NBEA: variants seen among roughly 807,000 people sequenced by gnomAD.
The protein encoded by NBEA is neurobeachin.
Under a neutral mutation model 343.4 loss-of-function variants are expected in NBEA, and 44 were observed. That is an observed-to-expected ratio of 0.13 (90% CI 0.10 to 0.16). NBEA has a LOEUF of 0.16. Ranked by LOEUF, NBEA falls within the 10% of genes least tolerant of loss-of-function variation. The pLI is 1.00. For missense variants in NBEA, 2,555 were observed against 3,631.3 expected, an observed-to-expected ratio of 0.70 and a Z score of 7.62; for synonymous variants, 1,175 against 1,238.7, an observed-to-expected ratio of 0.95 and a Z score of 1.08.
chr13:35,385,007 C>A (rs1001256198), intron 38 of NBEA, among the ~76,000 whole-genome samples: 1 of 152,168 alleles, frequency 6.6e-6, no homozygotes, highest in Non-Finnish European at 1.5e-5. Context: ...CGAAAGTATA[C>A]TCCTGCTACT....
chr13:35,638,258 TTATA>T (rs1357107850), intron 49 of NBEA, among the ~76,000 whole-genome samples: 1 of 152,196 alleles, frequency 6.6e-6, no homozygotes, highest in Non-Finnish European at 1.5e-5. Context: ...AAATTTTGTG[TTATA>T]TATATTCTAC....
chr13:35,391,586 T>G (rs183894414), intron 38 of NBEA, among the ~76,000 whole-genome samples: 1 of 152,332 alleles, frequency 6.6e-6, no homozygotes, highest in Admixed American at 6.5e-5. Context: ...CTTAAAAGAA[T>G]GTTATACATG....
At chr13:35,526,517 G>T (rs529572084) in intron 41 of NBEA, among the ~76,000 whole-genome samples, 2 of 152,104 alleles carry the variant, frequency 1.3e-5, no homozygotes, top group Non-Finnish European at 2.9e-5. Context: ...GCACGCCTCT[G>T]GTCCCAGCTA....
intron 58 of NBEA, among the ~76,000 whole-genome samples, chr13:35,670,110 G>A (rs1218564292): frequency 6.6e-6 from 1 of 152,194 alleles, no homozygotes; most frequent in Non-Finnish European, 1.5e-5. Flanking sequence ...ATATATTGGG[G>A]ATATTACTCA....
intron 34 of NBEA, among the ~76,000 whole-genome samples, chr13:35,237,640 C>G (rs2152775187): frequency 6.6e-6 from 1 of 152,056 alleles, no homozygotes; most frequent in East Asian, 1.9e-4. Flanking sequence ...TTCAATTTAC[C>G]ATATAAATAT....
intron 41 of NBEA, among the ~76,000 whole-genome samples, chr13:35,516,370 A>G (rs1217164498): frequency 1.3e-5 from 2 of 152,186 alleles, no homozygotes. Flanking sequence ...ATTAAATGCT[A>G]CACGTATATA....
chr13:34,956,215 A>AT (rs1190397549), intron 1 of NBEA, among the ~76,000 whole-genome samples: 3 of 152,202 alleles, frequency 2.0e-5, no homozygotes, highest in Non-Finnish European at 4.4e-5. Flanking sequence ...ATAGATGAAA[A>AT]TTAACATTTT....
At chr13:35,377,929 C>T (rs1450647748) in intron 38 of NBEA, among the ~76,000 whole-genome samples, 1 of 152,130 alleles carries the variant, frequency 6.6e-6, no homozygotes, top group Non-Finnish European at 1.5e-5. Flanking sequence ...ATTGAAGTTT[C>T]TTATTTATTA....
Position 35,672,265 on chromosome 13 carries a change from T to C in NBEA, c.*1274T>C, listed in dbSNP as rs2085643643. The C allele has an allele frequency of 6.6e-6, 1 of 152,648 alleles. No individual in the cohort carries two copies. Among genetic ancestry groups the C allele is most frequent in the African/African-American group, 2.4e-5 (1 of 41,458 alleles). 9.5% of individuals were successfully genotyped at this position (152,648 alleles called of 1,614,324 possible). ...ATTGTGTCGGTAGGGCTATGAGGCA[T>C]GTTACAGGAATGTAATTTTCTCAGA... is the stretch of plus-strand genomic sequence containing the variant. On this transcript the variant is annotated 3_prime_UTR_variant, in exon 59 of 59. Transcript: ENST00000379939.
chr13:35,427,608 C>T (rs904114156), intron 38 of NBEA, among the ~76,000 whole-genome samples: 4 of 152,174 alleles, frequency 2.6e-5, no homozygotes, highest in South Asian at 2.1e-4. Flanking sequence ...GCAGTCTGCC[C>T]GTTCTCAGAT....
chr13:35,106,769 C>CTT (rs879634123), intron 11 of NBEA, among the ~76,000 whole-genome samples: 1 of 147,054 alleles, frequency 6.8e-6, no homozygotes, highest in East Asian at 2.0e-4. Flanking sequence ...CCCCCTCCGC[C>CTT]TTTTTTTTTT....
At chr13:34,965,635 A>AT (rs2059797022) in intron 1 of NBEA, among the ~76,000 whole-genome samples, 1 of 151,800 alleles carries the variant, frequency 6.6e-6, no homozygotes. Context: ...TAGCTTCTAT[A>AT]TTTTTTTATG....
In NBEA at chr13:35,232,630, T is replaced by C. The variant is rs1246118573; in HGVS notation, c.5776+11T>C. On this transcript the variant is annotated intron_variant, in intron 34 of 58. Transcript: ENST00000379939. ...AGCTATTGATAGAAGGTATGATTTC[T>C]CTATTATAATTATTTTAGTTTCCTA... 4 of 1,464,090 alleles carry C rather than the reference T, an allele frequency of 2.7e-6. No homozygotes were observed. The African/African-American group carries it at 4.3e-5, about 16-fold the overall frequency. 90.7% of individuals were successfully genotyped at this position (1,464,090 alleles called of 1,614,324 possible).
chr13:35,024,508 C>A (rs2152543774), intron 1 of NBEA, among the ~76,000 whole-genome samples: 1 of 151,352 alleles, frequency 6.6e-6, no homozygotes, highest in Non-Finnish European at 1.5e-5. Flanking sequence ...TTTGTCTCCA[C>A]TGAAAAAAAA....
At chr13:35,366,104 G>C (rs918589970) in intron 38 of NBEA, among the ~76,000 whole-genome samples, 1 of 151,482 alleles carries the variant, frequency 6.6e-6, no homozygotes, top group African/African-American at 2.4e-5. Context: ...AAACCCTTTG[G>C]AATATAGAGA....
intron 1 of NBEA, among the ~76,000 whole-genome samples, chr13:34,991,184 T>G (rs1227368519): frequency 6.6e-6 from 1 of 152,210 alleles, no homozygotes; most frequent in Non-Finnish European, 1.5e-5. Flanking sequence ...CTCTGCCCAT[T>G]ACCCAGTTAC....
chr13:35,251,512 G>T, intron 34 of NBEA: 1 of 1,106,116 alleles, frequency 9.0e-7, no homozygotes. Context: ...GTGAGCAGCG[G>T]CCACCTCTGG....
At chr13:35,136,469 T>C (rs974619382) in intron 17 of NBEA, among the ~76,000 whole-genome samples, 8 of 152,194 alleles carry the variant, frequency 5.3e-5, no homozygotes, top group African/African-American at 1.9e-4. Context: ...AAATGAGATA[T>C]AGTCCCTTAA....
chr13:35,672,629 A>G lies in NBEA; in HGVS notation c.*1638A>G, dbSNP rs1337630245. 1 of 152,674 alleles carries G rather than the reference A, an allele frequency of 6.5e-6. No individual in the cohort carries two copies. Among genetic ancestry groups the G allele is most frequent in the African/African-American group, 2.4e-5 (1 of 41,452 alleles). The allele number at this position is 152,674 out of a possible 1,614,324, so 9.5% of individuals were successfully genotyped here. A position where few individuals can be genotyped will look rare whatever the true frequency, so the allele number is the denominator to read the frequency against. On this transcript the variant is annotated 3_prime_UTR_variant, in exon 59 of 59. Coordinates refer to ENST00000379939, the MANE Select transcript of NBEA (RefSeq NM_001385012.1). ...TCATGGTGAAATATTTTGGATATAT[A>G]AATTCCTTAAGCTATTGTAACCATG...
Sources: gnomAD v4.1 joint callset for allele counts (sites outside exome capture counted in the v4.1 genomes callset) on GRCh38, gnomAD v4.1.1 for gene constraint, MANE v1.5 for transcripts, NCBI Gene and HGNC (gene_info 2026-07-23, HGNC 2026-07-21) for gene names.